The following DERA variants were observed in gnomAD, a reference collection of about 807,000 sequenced individuals.
DERA encodes 2-deoxy-D-ribose 5-phosphate aldolase.
DERA carries 15 observed loss-of-function variants against 41.1 expected under a neutral mutation model. The ratio of observed to expected loss-of-function variants is 0.37; its 90% confidence interval spans 0.24 to 0.56. The LOEUF is 0.56. Among genes scored for constraint, DERA ranks in the 20% least tolerant of loss-of-function variants. DERA has a pLI of 0.81. For missense variants in DERA, 396 were observed against 403.4 expected (o/e 0.98, Z 0.16); for synonymous variants, 139 against 137.4 (o/e 1.01, Z -0.08).
Position 15,943,629 on chromosome 12 carries a change from G to A in DERA, c.32-13307G>A, listed in dbSNP as rs1185212128. Among the ~76,000 whole-genome samples the A allele has an allele frequency of 2.0e-5, 3 of 151,890 alleles. No individual in the cohort carries two copies. The highest frequency in any genetic ancestry group is 4.4e-5 in the Non-Finnish European group (3 of 67,952). On this transcript the variant is annotated intron_variant, in intron 1 of 8. Transcript: ENST00000428559. The surrounding 1 kb of genome is among the most constrained non-coding windows in gnomAD (Gnocchi z 4.5). ...CACGGGTTTGAAACAGAACTTCCAC[G>A]AATGATCCTACCTGTATAACATGTG...
At chr12:16,032,395 T>G in intron 6 of DERA, 147 bp from the exon 7 acceptor site, 1 of 560,976 alleles carries the variant, frequency 1.8e-6, no homozygotes, top group East Asian at 3.2e-5. Context: ...TAAAGGGAGA[T>G]TTTGGTTTTA....
At chr12:15,987,791 T>C (rs1274111840) in intron 6 of DERA, among the ~76,000 whole-genome samples, 1 of 152,118 alleles carries the variant, frequency 6.6e-6, no homozygotes, top group African/African-American at 2.4e-5. Flanking sequence ...GCTTGAGTTT[T>C]GCTCCTGGTT....
intron 1 of DERA, among the ~76,000 whole-genome samples, chr12:15,949,815 C>T (rs148539817): frequency 6.4e-4 from 97 of 152,348 alleles, no homozygotes; most frequent in African/African-American, 2.2e-3. Context: ...TAGACTGGAG[C>T]TGTTCCTATT....
chr12:15,950,478 A>G lies in DERA; in HGVS notation c.32-6458A>G, dbSNP rs369148735. On this transcript the variant is annotated intron_variant, in intron 1 of 8. Coordinates refer to ENST00000428559, the MANE Select transcript of DERA (RefSeq NM_015954.4). ...AACCTGTTTTATCAGCAAGGTCTTT[A>G]TGACCTGTATTTTGTGTTGACCTCC... Among the ~76,000 whole-genome samples, 51 of 152,240 alleles carry G rather than the reference A, an allele frequency of 3.3e-4. No homozygotes were observed. The East Asian group carries it at 3.5e-3, about 10-fold the overall frequency.
intron 6 of DERA, among the ~76,000 whole-genome samples, chr12:16,016,750 C>T (rs1395388289): frequency 4.5e-5 from 6 of 133,658 alleles, no homozygotes; most frequent in African/African-American, 1.7e-4. Flanking sequence ...CATGATTGCA[C>T]CACTGCACTC....
chr12:15,923,634 T>G (rs2136126126), intron 1 of DERA, among the ~76,000 whole-genome samples: 1 of 152,316 alleles, frequency 6.6e-6, no homozygotes, highest in Admixed American at 6.5e-5. Context: ...TTAAAAATTC[T>G]TATGTGAACA....
chr12:15,970,884 C>T lies in DERA; in HGVS notation c.508+7937C>T, dbSNP rs543166288. ...GTCTAGTTTTAGCTTCTGGGGATTA[C>T]ATTCTTCAGGTAAGAAGTGAAAATA... is the stretch of plus-strand genomic sequence containing the variant. On this transcript the variant is annotated intron_variant, in intron 5 of 8. Coordinates refer to ENST00000428559, the MANE Select transcript of DERA (RefSeq NM_015954.4). This position sits in a 1 kb window ranked among gnomAD's most constrained non-coding sequence, Gnocchi z 4.3. Among the ~76,000 whole-genome samples the T allele has an allele frequency of 1.3e-5, 2 of 152,194 alleles. No homozygotes were observed. Among genetic ancestry groups the T allele is most frequent in the Non-Finnish European group, 2.9e-5 (2 of 68,034 alleles).
intron 5 of DERA, among the ~76,000 whole-genome samples, chr12:15,980,519 C>T (rs923546640): frequency 6.6e-6 from 1 of 152,062 alleles, no homozygotes; most frequent in Non-Finnish European, 1.5e-5. Context: ...AATTCATTCT[C>T]TGAATTAAAA....
At chr12:15,949,291 C>G (rs1351622620) in intron 1 of DERA, among the ~76,000 whole-genome samples, 1 of 152,180 alleles carries the variant, frequency 6.6e-6, no homozygotes, top group Non-Finnish European at 1.5e-5. Flanking sequence ...TGCCCTGCCC[C>G]TGGAAGTGGA....
At chr12:15,923,985 C>T (rs1003849758) in intron 1 of DERA, among the ~76,000 whole-genome samples, 1 of 152,140 alleles carries the variant, frequency 6.6e-6, no homozygotes, top group Non-Finnish European at 1.5e-5. Flanking sequence ...TAATCTTAAA[C>T]AAATTACTGT....
rs1188925376 is a variant in DERA at position 16,036,311 on chromosome 12, G to C, written c.830G>C (p.Gly277Ala). The change falls in exon 8 of 9, where the codon GGA becomes GCA. Residue 277 changes from glycine to alanine, a missense_variant. Coordinates refer to ENST00000428559, the MANE Select transcript of DERA (RefSeq NM_015954.4). This position sits in a 1 kb window ranked among gnomAD's most constrained non-coding sequence, Gnocchi z 4.9. ...AWLSLVKEEL[G>A]DEWLKPELFR... The stretch of plus-strand genomic sequence containing the variant: ...CTCTCTCTTGTAAAGGAGGAGCTTG[G>C]AGATGAGTGGCTGAAGCCAGAACTC... The C allele has an allele frequency of 1.2e-6, 2 of 1,613,646 alleles. No individual in the cohort carries two copies. Among genetic ancestry groups the C allele is most frequent in the African/African-American group, 1.3e-5 (1 of 74,934 alleles).
At chr12:15,962,051 A>C (rs1361107522) in intron 4 of DERA, among the ~76,000 whole-genome samples, 1 of 152,276 alleles carries the variant, frequency 6.6e-6, no homozygotes, top group South Asian at 2.1e-4. Context: ...GCCCCAAGGA[A>C]TTTAATATCA....
chr12:16,029,913 C>CTTTTTTTTT lies in DERA; in HGVS notation c.638-2610_638-2602dup, dbSNP rs71438364. Among the ~76,000 whole-genome samples, 49 of 59,718 alleles carry CTTTTTTTTT rather than the reference C, an allele frequency of 8.2e-4. 16 individuals carry two copies. The highest frequency in any genetic ancestry group is 1.9e-3 in the East Asian group (3 of 1,564). The allele number at this position is 59,718 out of a possible 152,430, so 39.2% of individuals were successfully genotyped here. ...TCAGACCTCCAAATGTAGCCTTGGT[C>CTTTTTTTTT]TTTTTTTTTTTTTTTTTTTTTTTTT... On this transcript the variant is annotated intron_variant, in intron 6 of 8. Coordinates refer to ENST00000428559, the MANE Select transcript of DERA (RefSeq NM_015954.4).
At chr12:16,034,198 G>C (rs1949112049) in intron 7 of DERA, among the ~76,000 whole-genome samples, 1 of 152,168 alleles carries the variant, frequency 6.6e-6, no homozygotes, top group Middle Eastern at 3.2e-3. Flanking sequence ...ACCTGCCATT[G>C]GGGACCCAGT....
chr12:15,950,906 A>G (rs1948493032), intron 1 of DERA, among the ~76,000 whole-genome samples: 1 of 152,212 alleles, frequency 6.6e-6, no homozygotes. Flanking sequence ...ACCATTTTGG[A>G]TAGCCCTTTG....
chr12:15,927,541 G>A (rs1311092049), intron 1 of DERA, among the ~76,000 whole-genome samples: 2 of 152,124 alleles, frequency 1.3e-5, no homozygotes, highest in African/African-American at 2.4e-5. Context: ...TTAGGCATCA[G>A]GAGTAATATG....
rs568146447 is a variant in DERA, at chr12:16,022,424, G to C, written c.638-10118G>C. Reference sequence around the variant, plus strand: ...TTCTTTATAAATTACCCAGCCTCAGGTATTCCTTTATAGCAATGCAATAAT... The same window carrying C: ...TTCTTTATAAATTACCCAGCCTCAGCTATTCCTTTATAGCAATGCAATAAT... On this transcript the variant is annotated intron_variant, in intron 6 of 8. Transcript: ENST00000428559. 4.6e-5 allele frequency among the ~76,000 whole-genome samples: 7 copies of C among 152,206 alleles called. No homozygotes were observed. In the South Asian group the frequency reaches 1.0e-3, roughly 23 times the overall value.
chr12:15,961,691 T>C (rs1430710847), intron 4 of DERA, among the ~76,000 whole-genome samples: 2 of 152,232 alleles, frequency 1.3e-5, no homozygotes, highest in Non-Finnish European at 2.9e-5. Flanking sequence ...CAGTTTTTGC[T>C]TTAAACAACA....
intron 7 of DERA, among the ~76,000 whole-genome samples, chr12:16,034,654 G>A (rs1296701744): frequency 6.6e-6 from 1 of 152,040 alleles, no homozygotes; most frequent in Non-Finnish European, 1.5e-5. Context: ...TTTAAAATGC[G>A]ATAGGCTAGC....
Sources: gnomAD v4.1 joint callset for allele counts (sites outside exome capture counted in the v4.1 genomes callset) on GRCh38, gnomAD v4.1.1 for gene constraint, Gnocchi (gnomAD v3.1) non-coding constraint, MANE v1.5 for transcripts, NCBI Gene and HGNC (gene_info 2026-07-23, HGNC 2026-07-21) for gene names.